Variants in AKR1C2 observed in about 807,000 individuals in gnomAD.
The protein encoded by AKR1C2 is aldo-keto reductase family 1 member C2.
AKR1C2 carries 27 observed loss-of-function variants against 39.8 expected under a neutral mutation model. The observed-to-expected ratio is 0.68, with a 90% CI of 0.50 to 0.93. The LOEUF is 0.93. Among genes scored for constraint, AKR1C2 ranks in the 40% least tolerant of loss-of-function variants. AKR1C2 has a pLI of 0.00. For synonymous variants in AKR1C2, 114 were observed against 137.9 expected (o/e 0.83, Z 1.22); for missense variants, 263 against 365.1 (o/e 0.72, Z 2.28).
At chr10:5,006,800 G>A (rs1477031214), upstream of AKR1C2, among the ~76,000 whole-genome samples, 13 of 123,380 alleles carry the variant, frequency 1.1e-4, no homozygotes, top group South Asian at 2.3e-4. Flanking sequence ...TTTTTTTTTC[G>A]GAGTTTTGCA....
intron 1 of AKR1C2, among the ~76,000 whole-genome samples, chr10:5,009,217 T>C (rs1200312143): frequency 1.3e-5 from 2 of 152,208 alleles, no homozygotes; most frequent in African/African-American, 4.8e-5. Context: ...TAAAGTAAAT[T>C]CCACCTTGCT....
intron 1 of AKR1C2, among the ~76,000 whole-genome samples, chr10:5,009,925 C>T (rs1434559464): frequency 7.0e-6 from 1 of 143,292 alleles, no homozygotes; most frequent in Non-Finnish European, 1.5e-5. Context: ...CACCTTCCTA[C>T]TCATTCCCCC....
At chr10:5,011,382 G>C (rs374710623) in intron 1 of AKR1C2, among the ~76,000 whole-genome samples, 23 of 152,162 alleles carry the variant, frequency 1.5e-4, no homozygotes, top group Admixed American at 1.1e-3. Context: ...CCTCACCACT[G>C]TGCAATGTAT....
chr10:5,009,871 G>A (rs1837484505), intron 1 of AKR1C2, among the ~76,000 whole-genome samples: 2 of 148,636 alleles, frequency 1.3e-5, no homozygotes, highest in African/African-American at 2.5e-5. Flanking sequence ...TAGGAGGATT[G>A]GAGAAGAGTC....
intron 7 of AKR1C2, among the ~76,000 whole-genome samples, chr10:4,993,982 C>A (rs1463069833): frequency 2.6e-5 from 4 of 151,546 alleles, no homozygotes; most frequent in African/African-American, 4.8e-5. Context: ...CTAGATTCAT[C>A]AATTGTTTCA....
intron 7 of AKR1C2, among the ~76,000 whole-genome samples, chr10:4,993,398 T>C (rs1836907953): frequency 6.6e-6 from 1 of 152,130 alleles, no homozygotes; most frequent in Non-Finnish European, 1.5e-5. Flanking sequence ...AAATATAAAC[T>C]TTTCAATAAA....
chr10:4,988,116 C>A lies in AKR1C2; in HGVS notation c.*1880G>T, dbSNP rs1285858813. ...GACTGACCTAATGATTATTTCACAT[C>A]TTGAAAAAAGAGTTACACGTGCTAT... On this transcript the variant is annotated 3_prime_UTR_variant, in exon 9 of 9. Transcript: ENST00000380753. 2.0e-5 allele frequency: 3 copies of A among 152,088 alleles called. No homozygotes were observed. Among genetic ancestry groups the A allele is most frequent in the Admixed American group, 1.3e-4 (2 of 15,270 alleles). The allele number at this position is 152,088 out of a possible 1,614,324, so 9.4% of individuals were successfully genotyped here.
chr10:4,988,801 A>G lies in AKR1C2; in HGVS notation c.*1195T>C, dbSNP rs782513349. The G allele has an allele frequency of 6.6e-6, 1 of 151,322 alleles. No homozygotes were observed. Among genetic ancestry groups the G allele is most frequent in the Non-Finnish European group, 1.5e-5 (1 of 67,780 alleles). 9.4% of individuals were successfully genotyped at this position (151,322 alleles called of 1,614,324 possible). A position where few individuals can be genotyped will look rare whatever the true frequency, so the allele number is the denominator to read the frequency against. The stretch of plus-strand genomic sequence containing the variant: ...CCCAAGTTTTCAAAAGTGTTTTCTA[A>G]AACGAAAATCATGTCTTCATGATTA... On this transcript the variant is annotated 3_prime_UTR_variant, in exon 9 of 9. Coordinates refer to ENST00000380753, the MANE Select transcript of AKR1C2 (RefSeq NM_001393392.1).
In AKR1C2 at chr10:4,999,302, T is replaced by C. The variant is rs199838283; in HGVS notation, c.370-25A>G. On this transcript the variant is annotated intron_variant, in intron 3 of 8. Coordinates refer to ENST00000380753, the MANE Select transcript of AKR1C2 (RefSeq NM_001393392.1). Reference sequence around the variant, plus strand: ...GCTGAAGTAGAAGCAGTCAGTTTAGTGATGTCACAAGTCAATTTCTCCACA... The same window carrying C: ...GCTGAAGTAGAAGCAGTCAGTTTAGCGATGTCACAAGTCAATTTCTCCACA... The C allele has an allele frequency of 4.3e-5, 66 of 1,545,242 alleles. No homozygotes were observed. In the East Asian group the frequency reaches 1.2e-3, roughly 28 times the overall value.
chr10:4,990,527 G>T (rs1443486915), intron 8 of AKR1C2, among the ~76,000 whole-genome samples: 2 of 151,856 alleles, frequency 1.3e-5, no homozygotes, highest in South Asian at 4.2e-4. Context: ...CCTATCATAC[G>T]CAACACACTT....
chr10:4,992,406 C>T (rs1836871284), intron 7 of AKR1C2, among the ~76,000 whole-genome samples: 1 of 152,180 alleles, frequency 6.6e-6, no homozygotes, highest in African/African-American at 2.4e-5. Context: ...TGGGTACTCA[C>T]TATGTAAATT....
At chr10:5,014,681 C>T (rs2131731756) in intron 1 of AKR1C2, among the ~76,000 whole-genome samples, 1 of 152,296 alleles carries the variant, frequency 6.6e-6, no homozygotes, top group Non-Finnish European at 1.5e-5. Flanking sequence ...GCTGTGCAGT[C>T]AGTGAAAGCG....
At chr10:5,008,902 A>G (rs1378652784), upstream of AKR1C2, among the ~76,000 whole-genome samples, 2 of 152,222 alleles carry the variant, frequency 1.3e-5, no homozygotes, top group Non-Finnish European at 2.9e-5. Flanking sequence ...GGTTGACTCA[A>G]TTCTCTGGGG....
chr10:4,996,048 G>GCATTT, intron 5 of AKR1C2, 183 bp from the exon 6 acceptor site: 2 of 715,590 alleles, frequency 2.8e-6, no homozygotes, highest in Non-Finnish European at 2.2e-6. Context: ...AAATAGAAAT[G>GCATTT]CTATTTCTGA....
intron 3 of AKR1C2, 175 bp downstream of exon 3, chr10:5,000,375 G>A: frequency 1.3e-6 from 2 of 1,551,260 alleles, no homozygotes; most frequent in East Asian, 4.9e-5. Flanking sequence ...ACGGAAGTAT[G>A]GATTCAAAAT....
At chr10:5,008,802 T>C (rs144517792), upstream of AKR1C2, among the ~76,000 whole-genome samples, 1 of 152,222 alleles carries the variant, frequency 6.6e-6, no homozygotes, top group African/African-American at 2.4e-5. Flanking sequence ...TGCAAAGAAC[T>C]CCGAATATTT....
chr10:5,013,997 G>A (rs1174517078), intron 1 of AKR1C2, among the ~76,000 whole-genome samples: 2 of 152,092 alleles, frequency 1.3e-5, no homozygotes, highest in African/African-American at 4.8e-5. Flanking sequence ...TTAGTAAAAT[G>A]TCCTCAAGGT....
intron 7 of AKR1C2, among the ~76,000 whole-genome samples, chr10:4,993,620 T>C (rs141643774): frequency 0.019 from 2,919 of 151,888 alleles, 42 homozygotes; most frequent in Non-Finnish European, 0.028. Context: ...GCATGAAAAA[T>C]TAGTCTACAT....
chr10:5,012,852 C>A (rs1837551529), intron 1 of AKR1C2, among the ~76,000 whole-genome samples: 1 of 152,166 alleles, frequency 6.6e-6, no homozygotes, highest in Admixed American at 6.5e-5. Flanking sequence ...TTCCTAAGAG[C>A]ACATAGGCAT....
Sources: gnomAD v4.1 joint callset for allele counts (sites outside exome capture counted in the v4.1 genomes callset) on GRCh38, gnomAD v4.1.1 for gene constraint, MANE v1.5 for transcripts, NCBI Gene and HGNC (gene_info 2026-07-23, HGNC 2026-07-21) for gene names.